The following DNAJC27 variants were observed in gnomAD, a reference collection of about 807,000 sequenced individuals.
DNAJC27 encodes dnaJ homolog subfamily C member 27.
A neutral mutation model predicts 31.4 loss-of-function variants in DNAJC27; 25 were observed. That is an observed-to-expected ratio of 0.80 (90% CI 0.58 to 1.11). The LOEUF (loss-of-function observed/expected upper bound fraction) is 1.11, where lower values mean the gene tolerates loss of function less well. Among genes scored for constraint, DNAJC27 ranks in the 50% most tolerant of loss-of-function variants. The pLI is 0.00. For synonymous variants in DNAJC27, 106 were observed against 112.7 expected (o/e 0.94, Z 0.37); for missense variants, 356 against 347.3 (o/e 1.02, Z -0.20).
intron 5 of DNAJC27, among the ~76,000 whole-genome samples, chr2:24,954,727 C>A (rs768401174): frequency 1.3e-5 from 2 of 152,084 alleles, no homozygotes; most frequent in Non-Finnish European, 2.9e-5. Flanking sequence ...CACGAGATCA[C>A]GAGATCGAGA....
intron 6 of DNAJC27, among the ~76,000 whole-genome samples, chr2:24,950,590 T>C (rs1202047229): frequency 6.6e-6 from 1 of 152,204 alleles, no homozygotes; most frequent in Non-Finnish European, 1.5e-5. Context: ...CTCACGCCCG[T>C]AATCCCAGTA....
At chr2:24,949,654 T>A (rs887142860) in intron 6 of DNAJC27, among the ~76,000 whole-genome samples, 4 of 152,238 alleles carry the variant, frequency 2.6e-5, no homozygotes, top group Non-Finnish European at 5.9e-5. Context: ...GAGAAGCACA[T>A]GTTTCTATTG....
Position 24,957,139 on chromosome 2 carries a change from T to C in DNAJC27, c.432A>G (p.Val144=). The C allele has an allele frequency of 6.2e-7, 1 of 1,607,388 alleles. No homozygotes were observed. Among genetic ancestry groups the C allele is most frequent in the Non-Finnish European group, 8.5e-7 (1 of 1,178,020 alleles). Residue 144 remains valine, a synonymous_variant, in exon 5 of 7, where the codon GTA becomes GTG. Transcript: ENST00000264711. ...NKIDCTKHRC[V]DESEGRLWAE... ...CCCAAAGACGTCCTTCACTTTCATC[T>C]ACACAGCGATGTTTGGTACAATCAA...
chr2:24,967,326 A>T (rs757838575), intron 1 of DNAJC27, 33 bp from the exon 2 acceptor site: 2 of 1,361,706 alleles, frequency 1.5e-6, no homozygotes, highest in Non-Finnish European at 2.1e-6. Flanking sequence ...CATTTAGTAA[A>T]TACATAGTGA....
At chr2:24,962,047 T>C (rs1011780282) in intron 3 of DNAJC27, among the ~76,000 whole-genome samples, 6 of 152,186 alleles carry the variant, frequency 3.9e-5, no homozygotes, top group Non-Finnish European at 8.8e-5. Context: ...CCAAACTTTA[T>C]TGTTGTCTTA....
At chr2:24,958,539 T>C in intron 3 of DNAJC27, 1 of 407,918 alleles carries the variant, frequency 2.5e-6, no homozygotes, top group Non-Finnish European at 5.1e-6. Context: ...GGGTTCACAC[T>C]TACTTACTAG....
intron 1 of DNAJC27, among the ~76,000 whole-genome samples, chr2:24,968,508 TTATTA>T (rs1472367388): frequency 6.6e-6 from 1 of 151,340 alleles, no homozygotes; most frequent in East Asian, 1.9e-4. Flanking sequence ...ATTTATTTAT[TTATTA>T]TTATTATTTT....
chr2:24,965,239 A>G (rs1383640507), intron 2 of DNAJC27, among the ~76,000 whole-genome samples: 1 of 151,868 alleles, frequency 6.6e-6, no homozygotes, highest in Non-Finnish European at 1.5e-5. Context: ...AAGAAAAAAA[A>G]AAGAATGTGA....
At position 24,970,373 on chromosome 2, in the gene DNAJC27, T is replaced by C. The variant is rs191322696; in HGVS notation, c.87+1445A>G. ...ACTCTTGTCTAATTGCACTGGCTAA[T>C]AAAACTAGAAAAATGTTAAGTAGAT... On this transcript the variant is annotated intron_variant, in intron 1 of 6. Coordinates refer to ENST00000264711, the MANE Select transcript of DNAJC27 (RefSeq NM_016544.3). 1.0e-3 allele frequency among the ~76,000 whole-genome samples: 158 copies of C among 151,836 alleles called. 1 individual carries two copies. Among genetic ancestry groups the C allele is most frequent in the Non-Finnish European group, 2.6e-4 (18 of 67,950 alleles).
intron 2 of DNAJC27, among the ~76,000 whole-genome samples, chr2:24,963,957 G>A (rs180879346): frequency 2.0e-5 from 3 of 152,302 alleles, no homozygotes; most frequent in Admixed American, 6.5e-5. Context: ...TTGAGCAAGA[G>A]CAATAGTGAA....
intron 3 of DNAJC27, among the ~76,000 whole-genome samples, chr2:24,960,611 A>C (rs10192345): frequency 1 from 152,214 of 152,366 alleles, 76,032 homozygotes; most frequent in Middle Eastern, 1. Context: ...AAAAATGCTA[A>C]TCTAGTGAAC....
rs1359648009 is a variant in DNAJC27, at chr2:24,971,888, G to C, written c.17C>G (p.Pro6Arg). ...AGACCTGCCGGGCTCCTTCCGCTTC[G>C]GCATGTTGGCCTCCATGGCCCTGGC... MEANMPKRKEPGRSLR... is the reference protein window; with the variant it reads MEANMRKRKEPGRSLR... Residue 6 changes from proline to arginine, a missense_variant, in exon 1 of 7, where the codon CCG becomes CGG. Coordinates refer to ENST00000264711, the MANE Select transcript of DNAJC27 (RefSeq NM_016544.3). 3 of 1,604,820 alleles carry C rather than the reference G, an allele frequency of 1.9e-6. No individual in the cohort carries two copies. The highest frequency in any genetic ancestry group is 2.5e-6 in the Non-Finnish European group (3 of 1,176,824).
At chr2:24,963,319 A>G in intron 3 of DNAJC27, 86 bp downstream of exon 3, 2 of 1,068,574 alleles carry the variant, frequency 1.9e-6, no homozygotes, top group Non-Finnish European at 2.8e-6. Flanking sequence ...ACATGATATC[A>G]ATATTGGTTG....
intron 3 of DNAJC27, among the ~76,000 whole-genome samples, chr2:24,959,115 T>C (rs1665980412): frequency 6.6e-6 from 1 of 152,164 alleles, no homozygotes; most frequent in African/African-American, 2.4e-5. Flanking sequence ...CCACCAGTCC[T>C]TTCCCTCAGT....
chr2:24,960,401 G>T (rs1666011885), intron 3 of DNAJC27, among the ~76,000 whole-genome samples: 1 of 152,122 alleles, frequency 6.6e-6, no homozygotes, highest in Non-Finnish European at 1.5e-5. Flanking sequence ...TTGAAAGTAG[G>T]CCAATTAATA....
At chr2:24,967,071 C>T (rs907293147) in intron 2 of DNAJC27, 140 bp downstream of exon 2, 2 of 665,652 alleles carry the variant, frequency 3.0e-6, no homozygotes, top group African/African-American at 3.7e-5. Flanking sequence ...TAAAGGTCTA[C>T]TATTCCTATC....
chr2:24,971,967 C>T, upstream of DNAJC27: 1 of 1,225,656 alleles, frequency 8.2e-7, no homozygotes, highest in Non-Finnish European at 1.1e-6. Context: ...GCCCGTCCCT[C>T]AGGCCTCCTC....
intron 5 of DNAJC27, among the ~76,000 whole-genome samples, chr2:24,955,045 C>G (rs1227097072): frequency 6.6e-6 from 1 of 152,096 alleles, no homozygotes; most frequent in Non-Finnish European, 1.5e-5. Flanking sequence ...ACTACTCATA[C>G]AAAGAAACAT....
rs909200043 is a variant in DNAJC27, at chr2:24,946,813, C to T, written c.*803G>A. 1.5e-4 allele frequency: 23 copies of T among 152,240 alleles called. 1 individual carries two copies. The highest frequency in any genetic ancestry group is 5.1e-4 in the African/African-American group (21 of 41,438). 9.4% of individuals were successfully genotyped at this position (152,240 alleles called of 1,614,324 possible). On this transcript the variant is annotated 3_prime_UTR_variant, in exon 7 of 7. Transcript: ENST00000264711. ...GCGGATACTACTGCAGCTGGCTCCT[C>T]CAAGTACTTCTGTCTTGGGGCCTGA...
Sources: allele counts gnomAD v4.1 joint callset (sites outside exome capture counted in the v4.1 genomes callset), GRCh38; gene constraint gnomAD v4.1.1; transcripts MANE v1.5; gene names NCBI Gene and HGNC (gene_info 2026-07-23, HGNC 2026-07-21).